The following FOXN3 variants were observed in gnomAD, a reference collection of about 807,000 sequenced individuals.
The protein encoded by FOXN3 is forkhead box protein N3.
Under a neutral mutation model 38.4 loss-of-function variants are expected in FOXN3, and 7 were observed. The observed-to-expected ratio is 0.18, with a 90% confidence interval of 0.10 to 0.34. The LOEUF (loss-of-function observed/expected upper bound fraction) is 0.34. FOXN3 is among the 10% of genes least tolerant of loss of function. FOXN3 has a pLI of 1.00. For synonymous variants in FOXN3, 230 were observed against 242.2 expected (o/e 0.95, Z 0.47); for missense variants, 456 against 613.4 (o/e 0.74, Z 2.71).
intron 3 of FOXN3, among the ~76,000 whole-genome samples, chr14:89,286,953 G>C (rs2139926654): frequency 6.6e-6 from 1 of 152,264 alleles, no homozygotes; most frequent in East Asian, 1.9e-4. Context: ...TGTGGCCACA[G>C]GGTCCAATCC....
intron 3 of FOXN3, chr14:89,291,287 G>T: frequency 2.2e-6 from 1 of 461,244 alleles, no homozygotes; most frequent in East Asian, 5.3e-5. Flanking sequence ...TTCTGATTTG[G>T]GTTTCAGAAA....
chr14:89,595,041 G>A (rs1349144546), intron 1 of FOXN3, among the ~76,000 whole-genome samples: 1 of 152,060 alleles, frequency 6.6e-6, no homozygotes, highest in Non-Finnish European at 1.5e-5. Context: ...TTCCGGCCAG[G>A]CGCAGTGGCT....
chr14:89,246,787 C>T (rs1419351644), intron 4 of FOXN3, among the ~76,000 whole-genome samples: 1 of 152,062 alleles, frequency 6.6e-6, no homozygotes, highest in African/African-American at 2.4e-5. Context: ...GATCCACCCG[C>T]CTCAGCCTCC....
intron 4 of FOXN3, among the ~76,000 whole-genome samples, chr14:89,202,475 T>C (rs1041588569): frequency 6.6e-6 from 1 of 152,176 alleles, no homozygotes; most frequent in Non-Finnish European, 1.5e-5. Context: ...TTCTCAAACA[T>C]CTGGAAGGGG....
intron 1 of FOXN3, among the ~76,000 whole-genome samples, chr14:89,431,617 A>G (rs1892160001): frequency 6.6e-6 from 1 of 151,818 alleles, no homozygotes; most frequent in South Asian, 2.1e-4. Flanking sequence ...TTTTGTTTCG[A>G]TATGTTTTAT....
intron 4 of FOXN3, among the ~76,000 whole-genome samples, chr14:89,189,103 T>C (rs531470842): frequency 2.0e-5 from 3 of 152,282 alleles, no homozygotes; most frequent in South Asian, 4.1e-4. Context: ...TCCCTGAGAA[T>C]GCTCAGCTGA....
intron 5 of FOXN3, among the ~76,000 whole-genome samples, chr14:89,177,614 G>A (rs1887557176): frequency 6.6e-6 from 1 of 152,130 alleles, no homozygotes; most frequent in Non-Finnish European, 1.5e-5. Context: ...CCACCAGGGG[G>A]TGCCATAGAG....
intron 1 of FOXN3, among the ~76,000 whole-genome samples, chr14:89,469,765 A>C (rs1893051694): frequency 6.6e-6 from 1 of 152,220 alleles, no homozygotes; most frequent in Non-Finnish European, 1.5e-5. Flanking sequence ...GTCTTTGGGT[A>C]AATCCCTCTA....
intron 1 of FOXN3, among the ~76,000 whole-genome samples, chr14:89,551,681 T>C (rs60016333): frequency 0.042 from 6,414 of 152,174 alleles, 442 homozygotes; most frequent in African/African-American, 0.15. Context: ...CCACTCTATC[T>C]CTGCACAGTG....
chr14:89,230,737 A>ACACGACAGGCGCCT, intron 4 of FOXN3: 1 of 366,628 alleles, frequency 2.7e-6, no homozygotes, highest in Non-Finnish European at 5.6e-6. Context: ...GACAGGCGCC[A>ACACGACAGGCGCCT]CACACTCTTT....
intron 1 of FOXN3, among the ~76,000 whole-genome samples, chr14:89,616,413 GTTC>G (rs976614490): frequency 9.9e-5 from 15 of 152,126 alleles, no homozygotes; most frequent in African/African-American, 3.4e-4. Flanking sequence ...TTTTGAAACA[GTTC>G]TTATTTTCAT....
chr14:89,253,055 G>A (rs1262165138), intron 4 of FOXN3, among the ~76,000 whole-genome samples: 2 of 152,176 alleles, frequency 1.3e-5, no homozygotes, highest in African/African-American at 4.8e-5. Flanking sequence ...GATCCTGGTG[G>A]ACTGTGCCAG....
intron 5 of FOXN3, among the ~76,000 whole-genome samples, chr14:89,176,192 A>G (rs1887514350): frequency 6.6e-6 from 1 of 152,236 alleles, no homozygotes; most frequent in South Asian, 2.1e-4. Flanking sequence ...AAAGTCAATT[A>G]CACTATTGAC....
intron 4 of FOXN3, among the ~76,000 whole-genome samples, chr14:89,242,898 G>C (rs1885181673): frequency 6.6e-6 from 1 of 152,190 alleles, no homozygotes. Context: ...AAATCACTTA[G>C]AATATTCATC....
chr14:89,328,566 C>A (rs1444695204), intron 3 of FOXN3, among the ~76,000 whole-genome samples: 1 of 151,610 alleles, frequency 6.6e-6, no homozygotes, highest in Non-Finnish European at 1.5e-5. Context: ...GACATTCCCA[C>A]CAGCAGCACT....
chr14:89,201,544 C>T (rs542282553), intron 4 of FOXN3, among the ~76,000 whole-genome samples: 50 of 152,282 alleles, frequency 3.3e-4, no homozygotes, highest in African/African-American at 1.1e-3. Flanking sequence ...AGCCTGGCCA[C>T]ACTGGTGTCC....
intron 2 of FOXN3, among the ~76,000 whole-genome samples, chr14:89,360,685 A>C (rs1889449425): frequency 6.7e-6 from 1 of 149,830 alleles, no homozygotes; most frequent in Non-Finnish European, 1.5e-5. Flanking sequence ...TTTCCACAAA[A>C]CTCATCCTCA....
chr14:89,396,604 C>T (rs1891105331), intron 2 of FOXN3, among the ~76,000 whole-genome samples: 1 of 152,056 alleles, frequency 6.6e-6, no homozygotes, highest in Non-Finnish European at 1.5e-5. Context: ...GGAGGCGAGG[C>T]GGGTGGATCA....
At chr14:89,365,990 G>T (rs772950056) in intron 2 of FOXN3, among the ~76,000 whole-genome samples, 11 of 152,114 alleles carry the variant, frequency 7.2e-5, no homozygotes, top group African/African-American at 2.4e-4. Context: ...AGTGGCTCAC[G>T]ACTGTAATCC....
Sources: allele counts gnomAD v4.1 joint callset (sites outside exome capture counted in the v4.1 genomes callset), GRCh38; gene constraint gnomAD v4.1.1; transcripts MANE v1.5; gene names NCBI Gene and HGNC (gene_info 2026-07-23, HGNC 2026-07-21).